The following CDKL4 variants were observed in gnomAD, a reference collection of about 807,000 sequenced individuals.
The protein encoded by CDKL4 is cyclin-dependent kinase-like 4.
Under a neutral mutation model 42.0 loss-of-function variants are expected in CDKL4, and 44 were observed. The observed-to-expected ratio is 1.05, with a 90% CI of 0.82 to 1.35. The LOEUF (loss-of-function observed/expected upper bound fraction) is 1.35. Ranked by LOEUF, CDKL4 falls within the 40% of genes most tolerant of loss-of-function variation. CDKL4 has a pLI of 0.00. For missense variants in CDKL4, 393 were observed against 369.9 expected, an observed-to-expected ratio of 1.06 and a Z score of -0.51; for synonymous variants, 120 against 121.6, an observed-to-expected ratio of 0.99 and a Z score of 0.09.
chr2:39,179,978 G>C (rs1452286435), intron 8 of CDKL4, among the ~76,000 whole-genome samples: 1 of 152,186 alleles, frequency 6.6e-6, no homozygotes, highest in Non-Finnish European at 1.5e-5. Context: ...CGGCTTCTGA[G>C]AGTGGGGAGG....
intron 9 of CDKL4, among the ~76,000 whole-genome samples, chr2:39,177,021 C>T (rs1045432553): frequency 2.6e-5 from 4 of 151,912 alleles, no homozygotes; most frequent in African/African-American, 9.7e-5. Context: ...TACAGGGGGA[C>T]CCACCATGCA....
intron 3 of CDKL4, among the ~76,000 whole-genome samples, chr2:39,216,037 T>G (rs138178788): frequency 1.3e-5 from 2 of 152,226 alleles, no homozygotes; most frequent in Admixed American, 6.5e-5. Context: ...TATAGCCATG[T>G]TGAGCACTGT....
At chr2:39,206,847 C>A (rs552620525) in intron 4 of CDKL4, among the ~76,000 whole-genome samples, 1 of 152,292 alleles carries the variant, frequency 6.6e-6, no homozygotes, top group Admixed American at 6.5e-5. Flanking sequence ...CTGTCAGGCC[C>A]TTTAAGCATT....
chr2:39,188,861 T>A (rs1483371068), intron 6 of CDKL4, among the ~76,000 whole-genome samples: 1 of 152,140 alleles, frequency 6.6e-6, no homozygotes, highest in Admixed American at 6.6e-5. Context: ...AGCTAATTTT[T>A]AAAAATTTTT....
At chr2:39,184,703 T>G (rs1220438564) in intron 7 of CDKL4, 56 bp from the exon 8 acceptor site, 2 of 1,146,122 alleles carry the variant, frequency 1.7e-6, no homozygotes, top group Non-Finnish European at 2.6e-6. Context: ...AATATGTGTG[T>G]GTATATATGT....
At chr2:39,242,935 T>C (rs1679732890) in intron 1 of CDKL4, among the ~76,000 whole-genome samples, 2 of 151,208 alleles carry the variant, frequency 1.3e-5, no homozygotes, top group African/African-American at 4.9e-5. Context: ...CCATTTCTTC[T>C]AAAAATACAA....
intron 1 of CDKL4, among the ~76,000 whole-genome samples, chr2:39,232,828 G>A (rs1489981332): frequency 4.6e-5 from 7 of 151,858 alleles, no homozygotes; most frequent in Admixed American, 1.3e-4. Flanking sequence ...GGCGGATCAC[G>A]AGGTCAGGGG....
intron 5 of CDKL4, among the ~76,000 whole-genome samples, chr2:39,201,998 G>A (rs1676881804): frequency 2.0e-5 from 3 of 152,112 alleles, no homozygotes; most frequent in African/African-American, 4.8e-5. Context: ...TTGGGAGGCC[G>A]AGGCAGGCAG....
chr2:39,184,315 G>C (rs377603692), intron 8 of CDKL4, among the ~76,000 whole-genome samples: 14 of 152,312 alleles, frequency 9.2e-5, no homozygotes, highest in African/African-American at 3.4e-4. Flanking sequence ...TCTGTCCTTG[G>C]TTTGGCGTCT....
intron 4 of CDKL4, among the ~76,000 whole-genome samples, chr2:39,204,933 C>T (rs1278613193): frequency 6.6e-6 from 1 of 151,286 alleles, no homozygotes; most frequent in East Asian, 1.9e-4. Context: ...AATCCCAGCA[C>T]TTTGTGAGGC....
intron 7 of CDKL4, among the ~76,000 whole-genome samples, chr2:39,185,866 A>C (rs964407504): frequency 2.0e-5 from 3 of 152,210 alleles, no homozygotes; most frequent in African/African-American, 7.2e-5. Context: ...AATGTCTTGC[A>C]GTTGATGCTG....
chr2:39,191,492 T>C (rs1676182112), intron 5 of CDKL4, among the ~76,000 whole-genome samples: 2 of 152,364 alleles, frequency 1.3e-5, no homozygotes, highest in African/African-American at 4.8e-5. Flanking sequence ...TGATGGCAGA[T>C]GTCTGGCCTC....
chr2:39,191,973 G>A (rs13028683), intron 5 of CDKL4, among the ~76,000 whole-genome samples: 135,145 of 152,284 alleles, frequency 0.89, 60,257 homozygotes, highest in Non-Finnish European at 0.94. Flanking sequence ...AGCTCAGAAA[G>A]TAGCGGCTAC....
chr2:39,231,930 G>C (rs1306122151), intron 1 of CDKL4, among the ~76,000 whole-genome samples: 8 of 152,092 alleles, frequency 5.3e-5, no homozygotes, highest in Non-Finnish European at 1.0e-4. Context: ...AATAAAATGA[G>C]ATAAAGTTAT....
chr2:39,200,054 G>C (rs1229655934), intron 5 of CDKL4, among the ~76,000 whole-genome samples: 1 of 152,108 alleles, frequency 6.6e-6, no homozygotes, highest in Non-Finnish European at 1.5e-5. Context: ...AACTTTTGCT[G>C]TTGGCTGATG....
At chr2:39,188,683 A>T (rs10171732) in intron 6 of CDKL4, among the ~76,000 whole-genome samples, 113,954 of 150,978 alleles carry the variant, frequency 0.75, 46,334 homozygotes, top group Non-Finnish European at 0.91. Flanking sequence ...TCATAATCTC[A>T]CAACAATAGT....
chr2:39,205,604 G>C (rs1412940808), intron 4 of CDKL4, among the ~76,000 whole-genome samples: 7 of 151,330 alleles, frequency 4.6e-5, no homozygotes, highest in Non-Finnish European at 4.4e-5. Context: ...ACTAAAAATA[G>C]AAAAAATTAA....
chr2:39,212,214 C>T (rs1191818916), intron 4 of CDKL4, among the ~76,000 whole-genome samples: 7 of 151,688 alleles, frequency 4.6e-5, no homozygotes, highest in Non-Finnish European at 7.4e-5. Context: ...TTGAGAACTA[C>T]GGCTATAAAA....
intron 3 of CDKL4, among the ~76,000 whole-genome samples, chr2:39,224,666 G>T (rs1678583250): frequency 6.6e-6 from 1 of 151,890 alleles, no homozygotes; most frequent in African/African-American, 2.4e-5. Flanking sequence ...ACCACACCCA[G>T]GTAATTTTTA....
Sources: allele counts gnomAD v4.1 joint callset (sites outside exome capture counted in the v4.1 genomes callset), GRCh38; gene constraint gnomAD v4.1.1; transcripts MANE v1.5; gene names NCBI Gene and HGNC (gene_info 2026-07-23, HGNC 2026-07-21).